CDH12: variants seen among roughly 807,000 people sequenced by gnomAD.
The protein encoded by CDH12 is cadherin 12, also known as cadherin-12.
Under a neutral mutation model 74.1 loss-of-function variants are expected in CDH12, and 41 were observed. The ratio of observed to expected loss-of-function variants is 0.55; its 90% CI spans 0.43 to 0.72. The LOEUF (loss-of-function observed/expected upper bound fraction) is 0.72. CDH12 is among the 30% of genes least tolerant of loss of function. CDH12 has a pLI of 0.00. For missense variants in CDH12, 945 were observed against 977.2 expected (o/e 0.97, Z 0.44); for synonymous variants, 399 against 355.0 (o/e 1.12, Z -1.39).
intron 1 of CDH12, among the ~76,000 whole-genome samples, chr5:22,546,101 C>G (rs775271823): frequency 6.6e-6 from 1 of 152,030 alleles, no homozygotes; most frequent in South Asian, 2.1e-4. Context: ...CCCACCACCA[C>G]GCCTGGCTTA....
intron 5 of CDH12, among the ~76,000 whole-genome samples, chr5:22,006,057 C>T (rs1736937464): frequency 6.6e-6 from 1 of 152,184 alleles, no homozygotes; most frequent in Non-Finnish European, 1.5e-5. Flanking sequence ...GCTTCTGAGG[C>T]ATCCCACTGA....
intron 2 of CDH12, among the ~76,000 whole-genome samples, chr5:22,476,789 A>T (rs1387854330): frequency 6.6e-6 from 1 of 152,188 alleles, no homozygotes; most frequent in Non-Finnish European, 1.5e-5. Context: ...ATATAGGGTG[A>T]ACTATACTCG....
Position 21,764,651 on chromosome 5 carries a change from G to GAA in CDH12, c.1515+325_1515+326dup, listed in dbSNP as rs369895363. On this transcript the variant is annotated intron_variant, in intron 12 of 14. Transcript: ENST00000382254. ...GTGACAGAGCAAGACTTCATATCAA[G>GAA]AAAAAAAAAAAAAAAAAGAAAAGAA... Among the ~76,000 whole-genome samples the GAA allele has an allele frequency of 8.3e-3, 917 of 110,028 alleles. 16 individuals are homozygous for GAA. Among genetic ancestry groups the GAA allele is most frequent in the Middle Eastern group, 0.021 (4 of 194 alleles). 72.2% of individuals were successfully genotyped at this position (110,028 alleles called of 152,430 possible).
At chr5:22,172,986 T>A (rs1749123571) in intron 4 of CDH12, among the ~76,000 whole-genome samples, 1 of 151,506 alleles carries the variant, frequency 6.6e-6, no homozygotes, top group Non-Finnish European at 1.5e-5. Flanking sequence ...TCAGAACCAA[T>A]GACATTTTTG....
chr5:22,814,615 GA>G (rs910507243), intron 1 of CDH12, among the ~76,000 whole-genome samples: 5 of 151,904 alleles, frequency 3.3e-5, no homozygotes, highest in African/African-American at 7.2e-5. Flanking sequence ...AATACAATCT[GA>G]AAAAAAGCTC....
At chr5:22,567,211 A>C (rs924465164) in intron 1 of CDH12, among the ~76,000 whole-genome samples, 2 of 152,190 alleles carry the variant, frequency 1.3e-5, no homozygotes, top group Non-Finnish European at 2.9e-5. Flanking sequence ...CATTATCCCA[A>C]GGTTTGGAGT....
chr5:22,729,830 G>A (rs1253722147), intron 1 of CDH12, among the ~76,000 whole-genome samples: 1 of 151,684 alleles, frequency 6.6e-6, no homozygotes, highest in Non-Finnish European at 1.5e-5. Flanking sequence ...ACTTCTATAC[G>A]GCTCTCTGCA....
chr5:21,940,226 C>CA (rs919134504), intron 6 of CDH12, among the ~76,000 whole-genome samples: 10 of 148,334 alleles, frequency 6.7e-5, no homozygotes, highest in South Asian at 2.1e-4. Context: ...GACTCCATCT[C>CA]AAAAAAAAAG....
At chr5:22,040,533 AAG>A (rs1387204625) in intron 5 of CDH12, among the ~76,000 whole-genome samples, 20 of 152,174 alleles carry the variant, frequency 1.3e-4, no homozygotes, top group African/African-American at 4.8e-4. Context: ...GGTAAAGTCC[AAG>A]AGAGAATTTT....
intron 6 of CDH12, among the ~76,000 whole-genome samples, chr5:21,958,838 G>A (rs1433575621): frequency 6.6e-6 from 1 of 152,134 alleles, no homozygotes; most frequent in Non-Finnish European, 1.5e-5. Context: ...GAATGTCATT[G>A]GTAGTTTGAT....
At chr5:22,224,715 C>A (rs748308608) in intron 3 of CDH12, among the ~76,000 whole-genome samples, 69 of 151,818 alleles carry the variant, frequency 4.5e-4, no homozygotes, top group Non-Finnish European at 9.1e-4. Flanking sequence ...AGTCAGTTGT[C>A]GGCAATATCA....
intron 1 of CDH12, among the ~76,000 whole-genome samples, chr5:22,772,136 T>C (rs1746839364): frequency 6.6e-6 from 1 of 152,004 alleles, no homozygotes; most frequent in African/African-American, 2.4e-5. Flanking sequence ...AGGGTTTCTA[T>C]ATTAGATAGG....
intron 9 of CDH12, among the ~76,000 whole-genome samples, chr5:21,810,808 T>C (rs1317527012): frequency 1.3e-5 from 2 of 152,200 alleles, no homozygotes; most frequent in Non-Finnish European, 2.9e-5. Context: ...TATTTTAAAC[T>C]TAAACTGAGG....
chr5:22,833,658 T>C (rs774307347), intron 1 of CDH12, among the ~76,000 whole-genome samples: 8 of 152,198 alleles, frequency 5.3e-5, no homozygotes, highest in Non-Finnish European at 8.8e-5. Flanking sequence ...GTGTTTTTAA[T>C]TATTTGAAAA....
At chr5:22,389,900 G>A (rs998774094) in intron 3 of CDH12, among the ~76,000 whole-genome samples, 14 of 151,738 alleles carry the variant, frequency 9.2e-5, no homozygotes, top group Admixed American at 2.6e-4. Context: ...TGCCCGCTTC[G>A]GTCTCCCAAA....
chr5:21,890,958 A>G (rs1362264659), intron 6 of CDH12, among the ~76,000 whole-genome samples: 4 of 152,090 alleles, frequency 2.6e-5, no homozygotes, highest in Admixed American at 2.6e-4. Flanking sequence ...CAGGTTGTCA[A>G]CGTTATCCAA....
chr5:21,944,328 C>T lies in CDH12; in HGVS notation c.526+30763G>A, dbSNP rs141426969. ...ATTAAACTTTGATTAAACTGAAAAACCATAGTCAATCCCAATACATAAAAG... is the reference window on the plus strand; with the variant it reads ...ATTAAACTTTGATTAAACTGAAAAATCATAGTCAATCCCAATACATAAAAG... On this transcript the variant is annotated intron_variant, in intron 6 of 14. Coordinates refer to ENST00000382254, the MANE Select transcript of CDH12 (RefSeq NM_004061.5). Among the ~76,000 whole-genome samples, 1,272 of 152,150 alleles carry T rather than the reference C, an allele frequency of 8.4e-3. 8 individuals are homozygous for T. Among genetic ancestry groups the T allele is most frequent in the Non-Finnish European group, 0.014 (939 of 67,992 alleles).
At chr5:22,819,972 CATAT>C (rs1749593582) in intron 1 of CDH12, among the ~76,000 whole-genome samples, 1 of 139,632 alleles carries the variant, frequency 7.2e-6, no homozygotes, top group Non-Finnish European at 1.6e-5. Context: ...CATATATATA[CATAT>C]ACATATATAT....
chr5:21,896,122 G>A (rs1387871604), intron 6 of CDH12, among the ~76,000 whole-genome samples: 1 of 152,204 alleles, frequency 6.6e-6, no homozygotes, highest in Non-Finnish European at 1.5e-5. Flanking sequence ...GGGCATAAAT[G>A]AGGCACAGTA....
Sources: gnomAD v4.1 joint callset for allele counts (sites outside exome capture counted in the v4.1 genomes callset) on GRCh38, gnomAD v4.1.1 for gene constraint, MANE v1.5 for transcripts, NCBI Gene and HGNC (gene_info 2026-07-23, HGNC 2026-07-21) for gene names.